ELAC1: variants seen among roughly 807,000 people sequenced by gnomAD.
ELAC1 encodes the protein elaC ribonuclease Z 1.
A neutral mutation model predicts 25.8 loss-of-function variants in ELAC1; 19 were observed. The ratio of observed to expected loss-of-function variants is 0.74; its 90% CI spans 0.51 to 1.08. The LOEUF is 1.08. ELAC1 is among the 50% of genes least tolerant of loss of function. The pLI, the probability that ELAC1 is intolerant of heterozygous loss-of-function variation, is 0.00. For synonymous variants in ELAC1, 148 were observed against 160.9 expected (o/e 0.92, Z 0.61); for missense variants, 403 against 434.6 (o/e 0.93, Z 0.65).
chr18:50,969,889 T>C (rs1568184391), intron 1 of ELAC1: 1 of 152,244 alleles, frequency 6.6e-6, no homozygotes, highest in Non-Finnish European at 1.5e-5. Context: ...GTAGTGAGTT[T>C]AGGTCAACCT....
Position 50,984,209 on chromosome 18 carries a change from A to C in ELAC1, c.271A>C (p.Ile91Leu). Residue 91 changes from isoleucine to leucine, a missense_variant, in exon 3 of 4, where the codon ATT becomes CTT. By Grantham distance (5) the Ile-to-Leu change is conservative. Coordinates refer to ENST00000269466, the MANE Select transcript of ELAC1 (RefSeq NM_018696.3). ...QSGSMVSKQP[I>L]EIYGPVGLRD... ...TGGCTCCATGGTGTCCAAACAGCCT[A>C]TTGAAATCTATGGCCCTGTAGGGCT... is the stretch of plus-strand genomic sequence containing the variant. The C allele has an allele frequency of 6.2e-7, 1 of 1,614,140 alleles. No homozygotes were observed. The highest frequency in any genetic ancestry group is 2.2e-5 in the East Asian group (1 of 44,876).
chr18:50,977,443 A>G (rs1022104064), intron 2 of ELAC1, among the ~76,000 whole-genome samples: 2 of 152,224 alleles, frequency 1.3e-5, no homozygotes, highest in Non-Finnish European at 2.9e-5. Flanking sequence ...TGGGGCTTGC[A>G]GTCTCTGAAG....
At chr18:50,970,845 C>A (rs1326146151) in intron 1 of ELAC1, among the ~76,000 whole-genome samples, 1 of 151,976 alleles carries the variant, frequency 6.6e-6, no homozygotes, top group African/African-American at 2.4e-5. Flanking sequence ...TGAGATAACC[C>A]ATATTAACAG....
At chr18:50,981,207 A>G (rs1907941820) in intron 2 of ELAC1, among the ~76,000 whole-genome samples, 1 of 152,046 alleles carries the variant, frequency 6.6e-6, no homozygotes, top group East Asian at 1.9e-4. Context: ...TTTTTAAATG[A>G]TATAAAAAGT....
chr18:50,986,974 A>G lies in ELAC1; in HGVS notation c.981A>G (p.Gly327=), dbSNP rs1908126284. The change falls in exon 4 of 4, where the codon GGA becomes GGG. Residue 327 remains glycine, a synonymous_variant. Transcript: ENST00000269466. The stretch of plus-strand genomic sequence containing the variant: ...AACCAGTTGCCTTGGCCAGAGAAGG[A>G]GAAACAGATGGCATTGCAGAACTAA... ...RYKPVALARE[G]ETDGIAELKK... 6.2e-7 allele frequency: 1 copy of G among 1,614,038 alleles called. No homozygotes were observed. The highest frequency in any genetic ancestry group is 1.6e-4 in the Middle Eastern group (1 of 6,062).
chr18:50,976,926 C>T (rs1907808855), intron 2 of ELAC1, among the ~76,000 whole-genome samples: 2 of 152,214 alleles, frequency 1.3e-5, no homozygotes, highest in South Asian at 4.1e-4. Context: ...GCTATAGGCC[C>T]CACGCAAGTC....
intron 2 of ELAC1, 119 bp downstream of exon 2, chr18:50,974,680 ACAC>A: frequency 1.1e-6 from 1 of 933,890 alleles, no homozygotes; most frequent in South Asian, 1.5e-5. Flanking sequence ...CTTCAGTGCT[ACAC>A]CCTGGTGAGA....
Position 50,987,490 on chromosome 18 carries a change from G to T in ELAC1, c.*405G>T, listed in dbSNP as rs1908145333. The T allele has an allele frequency of 6.3e-6, 1 of 158,802 alleles. No individual in the cohort carries two copies. The highest frequency in any genetic ancestry group is 6.5e-5 in the Admixed American group (1 of 15,490). The allele number at this position is 158,802 out of a possible 1,614,324, so 9.8% of individuals were successfully genotyped here. On this transcript the variant is annotated 3_prime_UTR_variant, in exon 4 of 4. Transcript: ENST00000269466. ...TATTTTGGCAGTTTGTATTGAATCT[G>T]TTTGTGTTATTAACAGAAGAGGGAG...
intron 2 of ELAC1, among the ~76,000 whole-genome samples, chr18:50,982,920 CTTGA>C (rs1470854528): frequency 1.3e-5 from 2 of 151,996 alleles, no homozygotes; most frequent in African/African-American, 4.8e-5. Context: ...CAGGCCGTGA[CTTGA>C]TTGGTTAATC....
chr18:50,980,778 A>G (rs1789228), intron 2 of ELAC1, among the ~76,000 whole-genome samples: 15,469 of 151,326 alleles, frequency 0.1, 2,204 homozygotes, highest in African/African-American at 0.32. Flanking sequence ...AAAAAAAAAA[A>G]AAAAGAAAAA....
intron 2 of ELAC1, among the ~76,000 whole-genome samples, chr18:50,979,182 C>G (rs1907874250): frequency 6.6e-6 from 1 of 152,198 alleles, no homozygotes; most frequent in Non-Finnish European, 1.5e-5. Flanking sequence ...TTATCTGATA[C>G]TATCTAATAA....
Position 50,984,080 on chromosome 18 carries a change from C to G in ELAC1, c.158-16C>G, listed in dbSNP as rs564934156. ...ATGAAAAATTTCCAAACGTATTTCT[C>G]TATCTCAATCAAAAGGGAGAATTAC... On this transcript the variant is annotated splice_polypyrimidine_tract_variant and intron_variant, in intron 2 of 3. Coordinates refer to ENST00000269466, the MANE Select transcript of ELAC1 (RefSeq NM_018696.3). The G allele has an allele frequency of 1.9e-6, 3 of 1,539,764 alleles. No individual in the cohort carries two copies. Among genetic ancestry groups the G allele is most frequent in the African/African-American group, 2.8e-5 (2 of 72,278 alleles).
chr18:50,979,620 C>A (rs1229095151), intron 2 of ELAC1, among the ~76,000 whole-genome samples: 4 of 152,124 alleles, frequency 2.6e-5, no homozygotes, highest in Admixed American at 6.6e-5. Flanking sequence ...CAGCCACACT[C>A]AAGGAGAGGG....
intron 2 of ELAC1, among the ~76,000 whole-genome samples, chr18:50,981,258 G>A (rs1332877138): frequency 6.6e-6 from 1 of 152,136 alleles, no homozygotes; most frequent in African/African-American, 2.4e-5. Flanking sequence ...AGAGAAAAGT[G>A]TAAATAAGAA....
intron 2 of ELAC1, among the ~76,000 whole-genome samples, chr18:50,975,380 C>A (rs995374387): frequency 6.6e-6 from 1 of 151,878 alleles, no homozygotes; most frequent in African/African-American, 2.4e-5. Flanking sequence ...CCTCTCTCAC[C>A]CCAGTCATTC....
intron 2 of ELAC1, among the ~76,000 whole-genome samples, chr18:50,978,072 C>T (rs889078950): frequency 6.6e-6 from 1 of 152,190 alleles, no homozygotes; most frequent in South Asian, 2.1e-4. Context: ...TGGTCAAAAC[C>T]ATTCAACAGG....
chr18:50,984,525 G>T lies in ELAC1; in HGVS notation c.587G>T (p.Arg196Leu). 2 of 1,614,082 alleles carry T rather than the reference G, an allele frequency of 1.2e-6. No individual in the cohort carries two copies. The highest frequency in any genetic ancestry group is 8.5e-7 in the Non-Finnish European group (1 of 1,179,996). The change falls in exon 3 of 4, where the codon CGC (arginine) becomes CTC (leucine). Residue 196 changes from arginine (R) to leucine (L), a missense_variant. By Grantham distance (102) the Arg-to-Leu change is moderately radical. Coordinates refer to ENST00000269466, the MANE Select transcript of ELAC1 (RefSeq NM_018696.3). ...SFGFSVVEKK[R>L]PGKLNAQKLK... The stretch of plus-strand genomic sequence containing the variant: ...GGGTTTTCAGTCGTGGAAAAGAAAC[G>T]CCCAGGTAAACTCAATGCACAGAAA...
At chr18:50,984,931 C>CAAA in intron 3 of ELAC1, 4 of 227,302 alleles carry the variant, frequency 1.8e-5, no homozygotes, top group Non-Finnish European at 2.5e-5. Flanking sequence ...AACTCTGTCT[C>CAAA]AAAAAAAAAA....
intron 1 of ELAC1, among the ~76,000 whole-genome samples, chr18:50,973,905 C>G (rs866646796): frequency 1.3e-5 from 2 of 152,184 alleles, no homozygotes; most frequent in African/African-American, 2.4e-5. Flanking sequence ...GATACACTGT[C>G]AACTAAAGTT....
Sources: gnomAD v4.1 joint callset for allele counts (sites outside exome capture counted in the v4.1 genomes callset) on GRCh38, gnomAD v4.1.1 for gene constraint, MANE v1.5 for transcripts, NCBI Gene and HGNC (gene_info 2026-07-23, HGNC 2026-07-21) for gene names.